Variants in SHBG observed in about 807,000 individuals in gnomAD.
SHBG encodes sex hormone binding globulin.
Under a neutral mutation model 41.9 loss-of-function variants are expected in SHBG, and 37 were observed. The ratio of observed to expected loss-of-function variants is 0.88; its 90% confidence interval spans 0.68 to 1.16. SHBG has a LOEUF of 1.16. Ranked by LOEUF, SHBG falls within the 50% of genes most tolerant of loss-of-function variation. The pLI, the probability that SHBG is intolerant of heterozygous loss-of-function variation, is 0.00. For missense variants in SHBG, 466 were observed against 499.9 expected (o/e 0.93, Z 0.65); for synonymous variants, 217 against 205.8 (o/e 1.05, Z -0.47).
Position 7,633,291 on chromosome 17 carries a change from A to C in SHBG, c.1148A>C (p.His383Pro), listed in dbSNP as rs199525667. Reference sequence around the variant, plus strand: ...GTGGACCAGGCCCTGAACAGAAGCCATGAGATCTGGACTCACAGCTGCCCC... The same window carrying C: ...GTGGACCAGGCCCTGAACAGAAGCCCTGAGATCTGGACTCACAGCTGCCCC... ...LDVDQALNRS[H>P]EIWTHSCPQS... Residue 383 changes from histidine to proline, a missense_variant, in exon 8 of 8, where the codon CAT becomes CCT. Physicochemically the swap from His to Pro is moderately conservative, Grantham distance 77 (BLOSUM62 -2). Transcript: ENST00000380450. 1.5e-5 allele frequency: 25 copies of C among 1,614,180 alleles called. No homozygotes were observed. The East Asian group carries it at 5.6e-4, about 36-fold the overall frequency.
At position 7,621,555 on chromosome 17, in the gene SHBG, C is replaced by T. The variant is rs1273536406; in HGVS notation, c.-62+7444C>T. ...GGCAGAGGTTGCAGTGAGCCAAGAT[C>T]ATGCCACTACACTCCAGCCTGGGGG... On this transcript the variant is annotated intron_variant, in intron 1 of 5. Coordinates refer to the SHBG transcript ENST00000570547. Among the ~76,000 whole-genome samples the T allele has an allele frequency of 3.9e-5, 4 of 103,006 alleles. 1 individual carries two copies. In the East Asian group the frequency reaches 1.3e-3, roughly 33 times the overall value. 67.6% of individuals were successfully genotyped at this position (103,006 alleles called of 152,430 possible).
chr17:7,617,803 G>A (rs1202384509), intron 1 of SHBG, among the ~76,000 whole-genome samples: 2 of 152,040 alleles, frequency 1.3e-5, no homozygotes, highest in Non-Finnish European at 2.9e-5. Context: ...ATTTTCCAAG[G>A]CCAGGTGTGG....
chr17:7,614,513 C>G lies in SHBG; in HGVS notation c.-62+402C>G, dbSNP rs372022316. 553 of 1,514,574 alleles carry G rather than the reference C, an allele frequency of 3.7e-4. 2 individuals carry two copies. In the African/African-American group the frequency reaches 5.2e-3, roughly 14 times the overall value. The allele number at this position is 1,514,574 out of a possible 1,614,324, so 93.8% of individuals were successfully genotyped here. On this transcript the variant is annotated intron_variant, in intron 1 of 5. Transcript: ENST00000570547. The stretch of plus-strand genomic sequence containing the variant: ...GGGCAGTCCCGGCTCCACATCCCCC[C>G]CAGAGGCCAGGCCGCCCATGGCGCC...
At chr17:7,625,045 GT>G (rs1304919821), upstream of SHBG, among the ~76,000 whole-genome samples, 1 of 150,080 alleles carries the variant, frequency 6.7e-6, no homozygotes, top group East Asian at 2.0e-4. Context: ...CATCTCCCAG[GT>G]TCAAGCGATT....
At chr17:7,615,473 A>G (rs544950181) in intron 1 of SHBG, among the ~76,000 whole-genome samples, 1 of 152,362 alleles carries the variant, frequency 6.6e-6, no homozygotes, top group African/African-American at 2.4e-5. Flanking sequence ...TAGATTTAAC[A>G]GTCATGGCTC....
chr17:7,614,144 A>T (rs1396679974), intron 1 of SHBG: 1 of 604,454 alleles, frequency 1.7e-6, no homozygotes, highest in Non-Finnish European at 3.1e-6. Flanking sequence ...GACACAGTCA[A>T]TTAGAAGCTG....
chr17:7,616,160 A>T, intron 1 of SHBG, among the ~76,000 whole-genome samples: 1 of 151,022 alleles, frequency 6.6e-6, no homozygotes, highest in East Asian at 1.9e-4. Flanking sequence ...ACAAAAAATT[A>T]GCCGTGGTAG....
chr17:7,621,849 T>C (rs2072103946), intron 1 of SHBG, among the ~76,000 whole-genome samples: 1 of 151,786 alleles, frequency 6.6e-6, no homozygotes, highest in Admixed American at 6.6e-5. Flanking sequence ...TTTAATTTTT[T>C]TTTTTTAGAT....
intron 1 of SHBG, among the ~76,000 whole-genome samples, chr17:7,620,634 T>G (rs999984500): frequency 1.5e-4 from 22 of 151,620 alleles, no homozygotes; most frequent in African/African-American, 3.2e-4. Flanking sequence ...TAATTTTTTT[T>G]TTTGTTTTTT....
In SHBG at chr17:7,630,614, C is replaced by A; in HGVS notation, c.204-66C>A. The stretch of plus-strand genomic sequence containing the variant: ...TTCCTTATCTGTGAACACCATCTCC[C>A]CCAAACCCACACTGGTTCTCAAAGG... On this transcript the variant is annotated intron_variant, in intron 2 of 7. Coordinates refer to ENST00000380450, the MANE Select transcript of SHBG (RefSeq NM_001040.5). The surrounding 1 kb of genome is among the most constrained non-coding windows in gnomAD (Gnocchi z 4.6). 1.3e-6 allele frequency: 2 copies of A among 1,552,526 alleles called. No individual in the cohort carries two copies. The highest frequency in any genetic ancestry group is 1.8e-6 in the Non-Finnish European group (2 of 1,126,180).
At chr17:7,629,943 G>A (rs2072343340), upstream of SHBG, among the ~76,000 whole-genome samples, 1 of 152,174 alleles carries the variant, frequency 6.6e-6, no homozygotes, top group Non-Finnish European at 1.5e-5. Context: ...CTCGGCAGTG[G>A]AGGATGATAG....
At chr17:7,615,800 C>T (rs1052635157) in intron 1 of SHBG, among the ~76,000 whole-genome samples, 5 of 149,306 alleles carry the variant, frequency 3.3e-5, no homozygotes, top group African/African-American at 5.0e-5. Flanking sequence ...CACCATTGCA[C>T]TCCAGCCTGG....
chr17:7,632,993 A>C (rs368314389), intron 7 of SHBG, 34 bp downstream of exon 7: 3 of 1,579,404 alleles, frequency 1.9e-6, no homozygotes, highest in Non-Finnish European at 2.6e-6. Flanking sequence ...TCATGAGCAC[A>C]ACATTGGAAA....
In SHBG at chr17:7,631,619, C is replaced by G; in HGVS notation, c.586C>G (p.Arg196Gly). ...TCCTGCCCTGGATGGCTGCCTGCGCCGGGATTCCTGGCTGGACAAACAGGC... is the reference window on the plus strand; with the variant it reads ...TCCTGCCCTGGATGGCTGCCTGCGCGGGGATTCCTGGCTGGACAAACAGGC... ...LVPALDGCLR[R>G]DSWLDKQAEI... is the part of the protein sequence containing the mutation. The change falls in exon 5 of 8, where the codon CGG (arginine) becomes GGG (glycine). Residue 196 changes from arginine to glycine, a missense_variant. Coordinates refer to ENST00000380450, the MANE Select transcript of SHBG (RefSeq NM_001040.5). The G allele has an allele frequency of 1.2e-6, 2 of 1,614,158 alleles. No homozygotes were observed. Among genetic ancestry groups the G allele is most frequent in the Non-Finnish European group, 1.7e-6 (2 of 1,180,042 alleles).
chr17:7,632,998 T>G, intron 7 of SHBG, 39 bp downstream of exon 7: 1 of 1,574,080 alleles, frequency 6.4e-7, no homozygotes, highest in Non-Finnish European at 8.7e-7. Flanking sequence ...AGCACAACAT[T>G]GGAAACAGCT....
chr17:7,625,576 CA>C (rs973481317), upstream of SHBG, among the ~76,000 whole-genome samples: 1 of 146,442 alleles, frequency 6.8e-6, no homozygotes, highest in South Asian at 2.2e-4. Context: ...GACTCTGTCT[CA>C]AAAAAAATAA....
upstream of SHBG, chr17:7,627,733 A>G: frequency 1.5e-6 from 2 of 1,359,512 alleles, no homozygotes; most frequent in African/African-American, 1.4e-5. This position sits in a 1 kb window ranked among gnomAD's most constrained non-coding sequence, Gnocchi z 4.8. Flanking sequence ...AGAGCCTGAG[A>G]GAGCGGGGTG....
In SHBG at chr17:7,630,576, T is replaced by G; in HGVS notation, c.203+69T>G. ...CCTCTCTCCATCAGCTCTTCTCTTT[T>G]CCCTGTCTTCCTTTCCTTATCTGTG... On this transcript the variant is annotated intron_variant, in intron 2 of 7. Transcript: ENST00000380450. This position sits in a 1 kb window ranked among gnomAD's most constrained non-coding sequence, Gnocchi z 4.6. The G allele has an allele frequency of 1.9e-6, 3 of 1,551,958 alleles. No individual in the cohort carries two copies. Among genetic ancestry groups the G allele is most frequent in the Middle Eastern group, 3.4e-4 (2 of 5,938 alleles).
chr17:7,625,251 G>C (rs1235289842), upstream of SHBG, among the ~76,000 whole-genome samples: 1 of 151,614 alleles, frequency 6.6e-6, no homozygotes, highest in Non-Finnish European at 1.5e-5. Context: ...GCCCGGCCAG[G>C]CATGAGCTTT....
Sources: gnomAD v4.1 joint callset for allele counts (sites outside exome capture counted in the v4.1 genomes callset) on GRCh38, gnomAD v4.1.1 for gene constraint, Gnocchi (gnomAD v3.1) non-coding constraint, MANE v1.5 for transcripts, NCBI Gene and HGNC (gene_info 2026-07-23, HGNC 2026-07-21) for gene names.